The following TDP1 variants were observed in gnomAD, a reference collection of about 807,000 sequenced individuals.
The protein encoded by TDP1 is tyr-DNA phosphodiesterase 1.
A neutral mutation model predicts 81.5 loss-of-function variants in TDP1; 64 were observed. The observed-to-expected ratio is 0.79, with a 90% CI of 0.64 to 0.97. TDP1 has a LOEUF of 0.97. Ranked by LOEUF, TDP1 falls within the 50% of genes least tolerant of loss-of-function variation. TDP1 has a pLI of 0.00. For missense variants in TDP1, 723 were observed against 743.8 expected, an observed-to-expected ratio of 0.97 and a Z score of 0.33; for synonymous variants, 256 against 264.3, an observed-to-expected ratio of 0.97 and a Z score of 0.30.
chr14:90,042,873 G>T (rs1157784251), intron 16 of TDP1, 197 bp from the exon 17 acceptor site: 6 of 985,182 alleles, frequency 6.1e-6, no homozygotes, highest in Admixed American at 6.1e-5. Context: ...CATTCCCCAT[G>T]TTCACTCACC....
At chr14:89,989,339 T>C in intron 11 of TDP1, 1 of 985,426 alleles carries the variant, frequency 1.0e-6, no homozygotes, top group Non-Finnish European at 1.2e-6. Flanking sequence ...AGACACAGAC[T>C]GGCCTGTGAT....
At chr14:90,031,172 TATGTATACA>T (rs1389452521) in intron 15 of TDP1, among the ~76,000 whole-genome samples, 7 of 152,016 alleles carry the variant, frequency 4.6e-5, no homozygotes, top group Non-Finnish European at 8.8e-5. Flanking sequence ...GTTAGTTACA[TATGTATACA>T]TGTGCCATGC....
rs34194109 is a variant in TDP1 at position 89,957,383 on chromosome 14, A to G, written c.-8+583A>G. Among the ~76,000 whole-genome samples the G allele has an allele frequency of 9.4e-3, 1,433 of 152,320 alleles. 10 individuals are homozygous for G. Among genetic ancestry groups the G allele is most frequent in the Non-Finnish European group, 0.014 (982 of 68,024 alleles). On this transcript the variant is annotated intron_variant, in intron 2 of 16. Coordinates refer to ENST00000335725, the MANE Select transcript of TDP1 (RefSeq NM_018319.4). ...TTGAATGAATGAACTCCAGGGGGTA[A>G]GCATGATATCCATTTCACAGACTAA...
chr14:90,022,782 A>G (rs1003414211), intron 15 of TDP1: 19 of 985,144 alleles, frequency 1.9e-5, no homozygotes, highest in Non-Finnish European at 2.3e-5. Flanking sequence ...CAAAATTAAC[A>G]TTGATGGTTT....
intron 11 of TDP1, 122 bp from the exon 12 acceptor site, chr14:89,989,595 T>A: frequency 8.9e-7 from 1 of 1,120,016 alleles, no homozygotes; most frequent in Non-Finnish European, 1.3e-6. Flanking sequence ...TTTAAAAATT[T>A]AAAGCATATT....
chr14:89,971,262 T>A lies in TDP1; in HGVS notation c.747T>A (p.Ser249=). 1 of 1,613,624 alleles carries A rather than the reference T, an allele frequency of 6.2e-7. No homozygotes were observed. The part of the protein sequence containing the change: ...HAQAKPYENI[S]LCQAKLDIAF... ...AGGCCAAGCCTTACGAGAACATCTC[T>A]CTCTGCCAGGTAAGCCACTTACTGC... Residue 249 remains serine, a synonymous_variant, in exon 6 of 17, where the codon TCT becomes TCA. Transcript: ENST00000335725.
chr14:89,962,999 G>C (rs933795467), intron 2 of TDP1, 109 bp from the exon 3 acceptor site: 2 of 1,574,518 alleles, frequency 1.3e-6, no homozygotes, highest in South Asian at 2.3e-5. Flanking sequence ...AGGTGGTTCA[G>C]CCTCTGGAAG....
chr14:89,998,370 CATTATATATATATATA>C (rs1237500197), intron 14 of TDP1, among the ~76,000 whole-genome samples: 6 of 98,296 alleles, frequency 6.1e-5, no homozygotes, highest in African/African-American at 2.4e-4. Context: ...GTTCCAAGCA[CATTATATATATATATA>C]TATATATATA....
At chr14:89,995,408 CAT>C (rs1418684651) in intron 14 of TDP1, among the ~76,000 whole-genome samples, 2 of 152,168 alleles carry the variant, frequency 1.3e-5, no homozygotes, top group Non-Finnish European at 2.9e-5. Context: ...TCTTAATCAA[CAT>C]AGAGTTTTAG....
At position 89,966,141 on chromosome 14, in the gene TDP1, TCTC is replaced by T. The variant is rs1566847492; in HGVS notation, c.560-5_560-3del. On this transcript the variant is annotated splice_region_variant and splice_polypyrimidine_tract_variant and intron_variant, in intron 3 of 16. Transcript: ENST00000335725. ...TGTGAATTTGATATATGTTTTGTCT[TCTC>T]AGATATTTTATCTCCTTTATTTGGG... is the stretch of plus-strand genomic sequence containing the variant. 4 of 1,587,668 alleles carry T rather than the reference TCTC, an allele frequency of 2.5e-6. No individual in the cohort carries two copies. The highest frequency in any genetic ancestry group is 3.3e-5 in the Admixed American group (2 of 59,958).
At chr14:90,017,266 A>G (rs1885429384) in intron 14 of TDP1, among the ~76,000 whole-genome samples, 1 of 151,692 alleles carries the variant, frequency 6.6e-6, no homozygotes. Flanking sequence ...ACCCCACAAG[A>G]GTTTGGAAAT....
intron 7 of TDP1, among the ~76,000 whole-genome samples, chr14:89,977,712 T>G (rs1027443620): frequency 1.3e-5 from 2 of 152,216 alleles, no homozygotes; most frequent in East Asian, 3.8e-4. Context: ...AAGACAAACA[T>G]GTGAATTAGA....
chr14:89,979,785 A>C (rs919416566), intron 7 of TDP1, among the ~76,000 whole-genome samples: 6 of 152,172 alleles, frequency 3.9e-5, no homozygotes, highest in African/African-American at 1.2e-4. Flanking sequence ...GCTTTTATCT[A>C]TATCCTATTC....
chr14:89,998,940 A>G (rs1896961483), intron 14 of TDP1, among the ~76,000 whole-genome samples: 1 of 152,032 alleles, frequency 6.6e-6, no homozygotes, highest in Non-Finnish European at 1.5e-5. Context: ...GGTCTATGGA[A>G]AGCAGTTCAA....
At chr14:89,998,420 A>ATG (rs1555390633) in intron 14 of TDP1, among the ~76,000 whole-genome samples, 39 of 79,192 alleles carry the variant, frequency 4.9e-4, no homozygotes, top group African/African-American at 1.5e-3. Context: ...ATATATATAT[A>ATG]TATGTATGTA....
intron 11 of TDP1, chr14:89,989,315 A>G (rs1358683616): frequency 1.0e-6 from 1 of 985,178 alleles, no homozygotes; most frequent in Non-Finnish European, 1.2e-6. Flanking sequence ...CGATTCGTTC[A>G]GGAGCTCCAT....
rs1378458889 is a variant in TDP1, at chr14:90,006,387, G to T, written c.1541+12904G>T. 5.3e-5 allele frequency among the ~76,000 whole-genome samples: 8 copies of T among 152,066 alleles called. No homozygotes were observed. The East Asian group carries it at 1.5e-3, about 29-fold the overall frequency. On this transcript the variant is annotated intron_variant, in intron 14 of 16. Transcript: ENST00000335725. ...AATCTCCCAAGATTCTTCAACATCT[G>T]CAGAATTTTGAGATAGGATTTCACG...
At chr14:90,024,679 A>T (rs1362828518) in intron 15 of TDP1, among the ~76,000 whole-genome samples, 2 of 152,222 alleles carry the variant, frequency 1.3e-5, no homozygotes, top group Non-Finnish European at 2.9e-5. Flanking sequence ...ATTAAAATAC[A>T]CATACGCTTA....
At chr14:90,017,911 T>C (rs981780672) in intron 14 of TDP1, among the ~76,000 whole-genome samples, 25 of 152,324 alleles carry the variant, frequency 1.6e-4, no homozygotes, top group African/African-American at 4.3e-4. Flanking sequence ...TTGTGGTCCT[T>C]GTGCAAAGGT....
Sources: gnomAD v4.1 joint callset for allele counts (sites outside exome capture counted in the v4.1 genomes callset) on GRCh38, gnomAD v4.1.1 for gene constraint, MANE v1.5 for transcripts, NCBI Gene and HGNC (gene_info 2026-07-23, HGNC 2026-07-21) for gene names.